Variants in DNAH9 observed in about 807,000 individuals in gnomAD.
DNAH9 encodes dynein axonemal heavy chain 9.
Under a neutral mutation model 471.6 loss-of-function variants are expected in DNAH9, and 345 were observed. The observed-to-expected ratio is 0.73, with a 90% CI of 0.67 to 0.80. The LOEUF (loss-of-function observed/expected upper bound fraction) is 0.80. DNAH9 is among the 30% of genes least tolerant of loss of function. The pLI is 0.00. For missense variants in DNAH9, 5,407 were observed against 5,609.2 expected (o/e 0.96, Z 1.15); for synonymous variants, 2,093 against 2,123.6 (o/e 0.99, Z 0.40).
At chr17:11,791,107 C>T (rs569647790) in intron 41 of DNAH9, among the ~76,000 whole-genome samples, 1 of 152,220 alleles carries the variant, frequency 6.6e-6, no homozygotes, top group East Asian at 1.9e-4. Context: ...TTGAAGAACT[C>T]CTTTTAGTAT....
At chr17:11,933,491 C>G (rs1429138870) in intron 64 of DNAH9, among the ~76,000 whole-genome samples, 3 of 152,024 alleles carry the variant, frequency 2.0e-5, no homozygotes, top group African/African-American at 7.3e-5. Context: ...AGAGATTCTC[C>G]TGTCTCAGCC....
chr17:11,968,617 A>G (rs1428574789), intron 68 of DNAH9, among the ~76,000 whole-genome samples: 1 of 152,238 alleles, frequency 6.6e-6, no homozygotes, highest in African/African-American at 2.4e-5. Flanking sequence ...ATGTTGTAAA[A>G]CGTCAAGTCC....
At chr17:11,731,200 AT>A (rs143822183) in intron 28 of DNAH9, among the ~76,000 whole-genome samples, 2,117 of 151,830 alleles carry the variant, frequency 0.014, 45 homozygotes, top group African/African-American at 0.049. Flanking sequence ...GGTGGTTATT[AT>A]GGTGAGAATG....
rs150617442 is a variant in DNAH9, at chr17:11,766,061, C to T, written c.7171-2392C>T. Among the ~76,000 whole-genome samples, 62 of 152,274 alleles carry T rather than the reference C, an allele frequency of 4.1e-4. No individual in the cohort carries two copies. The East Asian group carries it at 0.011, about 26-fold the overall frequency. On this transcript the variant is annotated intron_variant, in intron 36 of 68. Transcript: ENST00000262442. ...GCACTGGAGCACTTGAAGCAATTGA[C>T]AGCCCTGCCAGCAACCTGGGAAGAG...
chr17:11,918,233 TTGTTTTGTTTTG>T (rs1032867174), intron 61 of DNAH9, among the ~76,000 whole-genome samples: 7 of 143,766 alleles, frequency 4.9e-5, no homozygotes, highest in South Asian at 4.4e-4. Context: ...TTGTTTTGTT[TTGTTTTGTTTTG>T]TTTTGAGACA....
rs761563082 is a variant in DNAH9, at chr17:11,636,669, G to A, written c.1671G>A (p.Pro557=). Residue 557 remains proline (P), a synonymous_variant, in exon 9 of 69, where the codon CCG becomes CCA. Coordinates refer to ENST00000262442, the MANE Select transcript of DNAH9 (RefSeq NM_001372.4). The part of the protein sequence containing the change: ...LDIAGNLLER[P]LVARDTSDKY... Reference sequence around the variant, plus strand: ...TAGCAGGAAACCTCCTTGAAAGACCGCTGGTAGCGAGGGATACATCTGATA... The same window carrying A: ...TAGCAGGAAACCTCCTTGAAAGACCACTGGTAGCGAGGGATACATCTGATA... 2.5e-5 allele frequency: 40 copies of A among 1,613,730 alleles called. No homozygotes were observed. The highest frequency in any genetic ancestry group is 2.5e-4 in the East Asian group (11 of 44,864).
chr17:11,849,798 C>G (rs1567846511), intron 49 of DNAH9, among the ~76,000 whole-genome samples: 1 of 152,316 alleles, frequency 6.6e-6, no homozygotes, highest in Non-Finnish European at 1.5e-5. Flanking sequence ...CTGTCTCCCC[C>G]ACCTGAATGA....
chr17:11,783,850 C>A (rs1484960558), intron 40 of DNAH9, 102 bp downstream of exon 40: 77 of 901,100 alleles, frequency 8.5e-5, no homozygotes, highest in Non-Finnish European at 2.4e-5. Context: ...CATGCAGCCT[C>A]TCAGAATGGT....
rs1169941087 is a variant in DNAH9 at position 11,689,989 on chromosome 17, G to C, written c.4167G>C (p.Leu1389=). The C allele has an allele frequency of 6.2e-7, 1 of 1,613,994 alleles. No homozygotes were observed. Among genetic ancestry groups the C allele is most frequent in the African/African-American group, 1.3e-5 (1 of 74,942 alleles). ...TCCGGGAGCGGCACTGGAGGCAGCT[G>C]ATGCAGGCCACCGGTGTGAGCTTCA... ...PAIRERHWRQ[L]MQATGVSFTM... The change falls in exon 20 of 69, where the codon CTG becomes CTC. Residue 1389 remains leucine (L), a synonymous_variant. Coordinates refer to ENST00000262442, the MANE Select transcript of DNAH9 (RefSeq NM_001372.4).
chr17:11,750,481 C>T (rs1967101882), intron 32 of DNAH9, among the ~76,000 whole-genome samples: 1 of 152,008 alleles, frequency 6.6e-6, no homozygotes, highest in Non-Finnish European at 1.5e-5. Context: ...GAAAGTATTC[C>T]TTTCCTGATT....
At chr17:11,882,682 A>G (rs1204813391) in intron 55 of DNAH9, among the ~76,000 whole-genome samples, 2 of 152,256 alleles carry the variant, frequency 1.3e-5, no homozygotes, top group Non-Finnish European at 2.9e-5. Flanking sequence ...ACGTAAACAA[A>G]TGAACAATGC....
intron 24 of DNAH9, among the ~76,000 whole-genome samples, chr17:11,701,625 G>T (rs770322685): frequency 2.0e-5 from 3 of 152,188 alleles, no homozygotes; most frequent in Non-Finnish European, 2.9e-5. Flanking sequence ...GACTCATGTG[G>T]AACTGAACTG....
intron 26 of DNAH9, among the ~76,000 whole-genome samples, chr17:11,708,243 G>C (rs1240334547): frequency 6.6e-6 from 1 of 152,118 alleles, no homozygotes; most frequent in Non-Finnish European, 1.5e-5. Flanking sequence ...ATCATCAAAT[G>C]AATGAATGAC....
chr17:11,704,764 G>A (rs1301586088), intron 25 of DNAH9, among the ~76,000 whole-genome samples: 1 of 152,090 alleles, frequency 6.6e-6, no homozygotes, highest in Non-Finnish European at 1.5e-5. Flanking sequence ...TGTATTTTTA[G>A]TAGAGACGGG....
chr17:11,884,699 C>T (rs551158655), intron 56 of DNAH9: 113 of 384,954 alleles, frequency 2.9e-4, no homozygotes, highest in Admixed American at 1.3e-3. Context: ...AAGAGTCAGC[C>T]GAACATTGGG....
intron 44 of DNAH9, among the ~76,000 whole-genome samples, chr17:11,808,589 C>G (rs1027398661): frequency 6.6e-6 from 1 of 152,204 alleles, no homozygotes; most frequent in African/African-American, 2.4e-5. Context: ...TCTAAAACCA[C>G]AGCCCAGCCT....
chr17:11,826,653 G>A (rs1477051868), intron 48 of DNAH9, among the ~76,000 whole-genome samples: 4 of 149,156 alleles, frequency 2.7e-5, no homozygotes, highest in Admixed American at 6.7e-5. Context: ...TAATGGAGAC[G>A]GGGTTTCACC....
chr17:11,697,467 T>A (rs909648399), intron 22 of DNAH9, among the ~76,000 whole-genome samples: 8 of 152,308 alleles, frequency 5.3e-5, no homozygotes, highest in African/African-American at 1.9e-4. Context: ...AGAATAAAAT[T>A]TAAATTAATT....
intron 8 of DNAH9, among the ~76,000 whole-genome samples, chr17:11,633,231 G>A (rs780697475): frequency 7.2e-5 from 11 of 152,176 alleles, no homozygotes; most frequent in Non-Finnish European, 1.2e-4. Flanking sequence ...ACGCTGCATC[G>A]TGAGACATGA....
Sources: gnomAD v4.1 joint callset for allele counts (sites outside exome capture counted in the v4.1 genomes callset) on GRCh38, gnomAD v4.1.1 for gene constraint, MANE v1.5 for transcripts, NCBI Gene and HGNC (gene_info 2026-07-23, HGNC 2026-07-21) for gene names.